B3GALT9: variants seen among roughly 807,000 people sequenced by gnomAD.
B3GALT9 encodes UDP-GlcNAc:betaGal beta-1,3-N-acetylglucosaminyltransferase 10 (putative).
At chr9:120,798,192 T>A (rs767049366) in intron 2 of B3GALT9, among the ~76,000 whole-genome samples, 80 of 152,358 alleles carry the variant, frequency 5.3e-4, no homozygotes, top group Admixed American at 1.7e-3. Context: ...TCCTACAGGT[T>A]TTTATCACAG....
chr9:120,797,062 TAAAGAG>T, intron 2 of B3GALT9, among the ~76,000 whole-genome samples: 1 of 58,898 alleles, frequency 1.7e-5, no homozygotes, highest in South Asian at 5.7e-4. Flanking sequence ...GTCTCAAAAA[TAAAGAG>T]AAAGAGAGAG....
rs2044960115 is a variant in B3GALT9, at chr9:120,799,863, T to C, written c.*185T>C. The C allele has an allele frequency of 2.6e-6, 1 of 388,772 alleles. No individual in the cohort carries two copies. Among genetic ancestry groups the C allele is most frequent in the Non-Finnish European group, 4.5e-6 (1 of 220,796 alleles). 24.1% of individuals were successfully genotyped at this position (388,772 alleles called of 1,614,324 possible). ...ACTGAGATCTCAAATTTTTAAAAAA[T>C]TTAAGTTGGTGTAGCATAATTCTTT... is the stretch of plus-strand genomic sequence containing the variant. On this transcript the variant is annotated 3_prime_UTR_variant, in exon 3 of 3. Transcript: ENST00000689072.
At chr9:120,797,243 C>T (rs185065349) in intron 2 of B3GALT9, among the ~76,000 whole-genome samples, 2 of 151,980 alleles carry the variant, frequency 1.3e-5, no homozygotes, top group African/African-American at 4.8e-5. Flanking sequence ...CGGTGGCTCT[C>T]ACCTGTAATC....
At chr9:120,796,114 T>G (rs1166552361) in intron 1 of B3GALT9, among the ~76,000 whole-genome samples, 1 of 152,196 alleles carries the variant, frequency 6.6e-6, no homozygotes, top group East Asian at 1.9e-4. Context: ...TCTTCCTCTA[T>G]GTCTAGTACA....
At chr9:120,795,911 T>C (rs1195027675) in intron 1 of B3GALT9, among the ~76,000 whole-genome samples, 2 of 152,220 alleles carry the variant, frequency 1.3e-5, no homozygotes, top group Non-Finnish European at 1.5e-5. Context: ...CCGGCTAAAG[T>C]GGACTGTATG....
At chr9:120,797,835 A>C (rs2044949148) in intron 2 of B3GALT9, among the ~76,000 whole-genome samples, 1 of 152,200 alleles carries the variant, frequency 6.6e-6, no homozygotes, top group Non-Finnish European at 1.5e-5. Context: ...TTATACTACA[A>C]TTCTGCACAT....
rs1341138761 is a variant in B3GALT9, at chr9:120,799,826, G to A, written c.*148G>A. On this transcript the variant is annotated 3_prime_UTR_variant, in exon 3 of 3. Transcript: ENST00000689072. ...GGTACAAAATGTTTTCTGTGCTCTG[G>A]TGTGCTCAATTACTGAGATCTCAAA... 1 of 395,824 alleles carries A rather than the reference G, an allele frequency of 2.5e-6. No homozygotes were observed. Among genetic ancestry groups the A allele is most frequent in the African/African-American group, 2.1e-5 (1 of 48,510 alleles). The allele number at this position is 395,824 out of a possible 1,614,324, so 24.5% of individuals were successfully genotyped here.
At chr9:120,797,604 C>G (rs934840876) in intron 2 of B3GALT9, among the ~76,000 whole-genome samples, 2 of 152,028 alleles carry the variant, frequency 1.3e-5, no homozygotes, top group African/African-American at 2.4e-5. Context: ...GGGCAAATTA[C>G]TAAACCATTA....
At chr9:120,796,007 A>G (rs1347878612) in intron 1 of B3GALT9, among the ~76,000 whole-genome samples, 4 of 152,184 alleles carry the variant, frequency 2.6e-5, no homozygotes, top group Non-Finnish European at 4.4e-5. Flanking sequence ...CATAGCCAAT[A>G]CTAGGGATTC....
In B3GALT9 at chr9:120,799,707, C is replaced by T. The variant is rs2044959150; in HGVS notation, c.*29C>T. ...TTCTTTAATTTTCCTTATGAGTCTA[C>T]TATTTTAAAGTTACCTTCTACCCTG... On this transcript the variant is annotated 3_prime_UTR_variant, in exon 3 of 3. Transcript: ENST00000689072. 1 of 398,394 alleles carries T rather than the reference C, an allele frequency of 2.5e-6. No homozygotes were observed. Among genetic ancestry groups the T allele is most frequent in the Non-Finnish European group, 4.4e-6 (1 of 226,064 alleles). 24.7% of individuals were successfully genotyped at this position (398,394 alleles called of 1,614,324 possible).
chr9:120,800,105 A>G lies in B3GALT9; in HGVS notation c.*427A>G, dbSNP rs1444697759. 7.1e-6 allele frequency among the ~76,000 whole-genome samples: 1 copy of G among 140,252 alleles called. No homozygotes were observed. Among genetic ancestry groups the G allele is most frequent in the East Asian group, 2.1e-4 (1 of 4,742 alleles). 92.0% of individuals were successfully genotyped at this position (140,252 alleles called of 152,430 possible). A position where few individuals can be genotyped will look rare whatever the true frequency, so the allele number is the denominator to read the frequency against. On this transcript the variant is annotated 3_prime_UTR_variant, in exon 3 of 3. Coordinates refer to ENST00000689072, the MANE Select transcript of B3GALT9 (RefSeq NM_001386823.1). Reference sequence around the variant, plus strand: ...GCTGAGACTATAGGCATGTGCCACCATACCCGGCTAATTTTTTTTTTTTTT... The same window carrying G: ...GCTGAGACTATAGGCATGTGCCACCGTACCCGGCTAATTTTTTTTTTTTTT...
At chr9:120,794,874 A>G (rs1166690739) in intron 1 of B3GALT9, among the ~76,000 whole-genome samples, 1 of 152,144 alleles carries the variant, frequency 6.6e-6, no homozygotes, top group Non-Finnish European at 1.5e-5. Flanking sequence ...AATGAACTAA[A>G]TTCTTAATTT....
In B3GALT9 at chr9:120,801,704, C is replaced by T. The variant is rs1054808853; in HGVS notation, c.*2026C>T. Among the ~76,000 whole-genome samples, 1 of 152,234 alleles carries T rather than the reference C, an allele frequency of 6.6e-6. No individual in the cohort carries two copies. The highest frequency in any genetic ancestry group is 2.4e-5 in the African/African-American group (1 of 41,462). Reference sequence around the variant, plus strand: ...GCAGTGAGCCGAGATCATGCCACTGCACTCCAGCCTGGGCAACAGTCTGAG... The same window carrying T: ...GCAGTGAGCCGAGATCATGCCACTGTACTCCAGCCTGGGCAACAGTCTGAG... On this transcript the variant is annotated 3_prime_UTR_variant, in exon 3 of 3. Transcript: ENST00000689072.
chr9:120,793,472 T>C lies in B3GALT9; in HGVS notation c.-632T>C, dbSNP rs1409438459. On this transcript the variant is annotated 5_prime_UTR_variant, in exon 1 of 3. Coordinates refer to ENST00000689072, the MANE Select transcript of B3GALT9 (RefSeq NM_001386823.1). ...GGCTCCCGGCGGAAGCGGCTGCACTTCCGGTCCCCGCCCGGAGGTGGGTGG... is the reference window on the plus strand; with the variant it reads ...GGCTCCCGGCGGAAGCGGCTGCACTCCCGGTCCCCGCCCGGAGGTGGGTGG... 30 of 398,688 alleles carry C rather than the reference T, an allele frequency of 7.5e-5. No homozygotes were observed. The East Asian group carries it at 1.0e-3, about 14-fold the overall frequency. The allele number at this position is 398,688 out of a possible 1,614,324, so 24.7% of individuals were successfully genotyped here.
Position 120,796,418 on chromosome 9 carries a change from T to G in B3GALT9, c.-181-5T>G, listed in dbSNP as rs947255015. On this transcript the variant is annotated splice_region_variant and splice_polypyrimidine_tract_variant and intron_variant, in intron 1 of 2. Coordinates refer to ENST00000689072, the MANE Select transcript of B3GALT9 (RefSeq NM_001386823.1). ...AACATGATCAGCACCCACTCTCCTA[T>G]GCAGTCAGCAGGTATTCTAGGATAA... 2.0e-5 allele frequency: 3 copies of G among 152,222 alleles called. No homozygotes were observed. Among genetic ancestry groups the G allele is most frequent in the African/African-American group, 7.2e-5 (3 of 41,458 alleles). The allele number at this position is 152,222 out of a possible 1,614,324, so 9.4% of individuals were successfully genotyped here.
At position 120,800,427 on chromosome 9, in the gene B3GALT9, G is replaced by T. The variant is rs2044963770; in HGVS notation, c.*749G>T. Among the ~76,000 whole-genome samples, 1 of 150,802 alleles carries T rather than the reference G, an allele frequency of 6.6e-6. No homozygotes were observed. The highest frequency in any genetic ancestry group is 1.5e-5 in the Non-Finnish European group (1 of 67,576). ...AGCCACCACGCCTGGCCTAATTTTT[G>T]TATTTTTTTATAGAGATGGGGGTTT... On this transcript the variant is annotated 3_prime_UTR_variant, in exon 3 of 3. Transcript: ENST00000689072.
rs1285228967 is a variant in B3GALT9 at position 120,793,662 on chromosome 9, A to G, written c.-442A>G. ...ACAGCGCGCTTATGTCCCTCCTCCA[A>G]TCTGATCTTGCACCAGCTCTGCAGT... On this transcript the variant is annotated 5_prime_UTR_variant, in exon 1 of 3. Coordinates refer to ENST00000689072, the MANE Select transcript of B3GALT9 (RefSeq NM_001386823.1). 18 of 398,528 alleles carry G rather than the reference A, an allele frequency of 4.5e-5. No homozygotes were observed. The South Asian group carries it at 1.3e-3, about 28-fold the overall frequency. The allele number at this position is 398,528 out of a possible 1,614,324, so 24.7% of individuals were successfully genotyped here. A position where few individuals can be genotyped will look rare whatever the true frequency, so the allele number is the denominator to read the frequency against.
Position 120,799,334 on chromosome 9 carries a change from A to C in B3GALT9, c.766A>C (p.Met256Leu). 2.5e-6 allele frequency: 1 copy of C among 399,278 alleles called. No homozygotes were observed. The highest frequency in any genetic ancestry group is 6.3e-4 in the Middle Eastern group (1 of 1,588). The allele number at this position is 399,278 out of a possible 1,614,324, so 24.7% of individuals were successfully genotyped here. ...AFIMSQDVAR[M>L]MYVVFKEVPM... Reference sequence around the variant, plus strand: ...TATAATGTCCCAAGATGTGGCTCGAATGATGTATGTGGTTTTCAAAGAAGT... The same window carrying C: ...TATAATGTCCCAAGATGTGGCTCGACTGATGTATGTGGTTTTCAAAGAAGT... The change falls in exon 3 of 3, where the codon ATG (methionine) becomes CTG (leucine). Residue 256 changes from methionine to leucine, a missense_variant. Met to Leu is a conservative substitution (Grantham distance 15, BLOSUM62 2). Coordinates refer to ENST00000689072, the MANE Select transcript of B3GALT9 (RefSeq NM_001386823.1).
Position 120,801,475 on chromosome 9 carries a change from C to T in B3GALT9, c.*1797C>T, listed in dbSNP as rs919256475. 3.3e-5 allele frequency among the ~76,000 whole-genome samples: 5 copies of T among 152,156 alleles called. No homozygotes were observed. Among genetic ancestry groups the T allele is most frequent in the Non-Finnish European group, 5.9e-5 (4 of 68,042 alleles). ...GTTATTTGGGCAGGGCACAGTGGCT[C>T]ATGGCTGTAATCCCAGCACTTTGGG... On this transcript the variant is annotated 3_prime_UTR_variant, in exon 3 of 3. Transcript: ENST00000689072.
Sources: allele counts gnomAD v4.1 joint callset (sites outside exome capture counted in the v4.1 genomes callset), GRCh38; gene constraint gnomAD v4.1.1; transcripts MANE v1.5; gene names NCBI Gene and HGNC (gene_info 2026-07-23, HGNC 2026-07-21).